NXN: variants seen among roughly 807,000 people sequenced by gnomAD.
The protein encoded by NXN is nucleoredoxin.
Under a neutral mutation model 48.6 loss-of-function variants are expected in NXN, and 16 were observed. That is an observed-to-expected ratio of 0.33 (90% CI 0.22 to 0.50). The LOEUF (loss-of-function observed/expected upper bound fraction) is 0.50. Among genes scored for constraint, NXN ranks in the 20% least tolerant of loss-of-function variants. The pLI, the probability that NXN is intolerant of heterozygous loss-of-function variation, is 0.98. For synonymous variants in NXN, 281 were observed against 269.6 expected (o/e 1.04, Z -0.41); for missense variants, 492 against 605.5 (o/e 0.81, Z 1.97).
At chr17:856,559 C>T (rs1157214978) in intron 1 of NXN, among the ~76,000 whole-genome samples, 2 of 147,978 alleles carry the variant, frequency 1.4e-5, no homozygotes, top group South Asian at 2.1e-4. Flanking sequence ...GGTGCAATCT[C>T]GGCTCACCGC....
intron 1 of NXN, 56 bp downstream of exon 1, chr17:979,263 G>GCAGGGGTAACGGGCGTGGGGGGCGGA: frequency 8.5e-7 from 1 of 1,181,254 alleles, no homozygotes; most frequent in Non-Finnish European, 1.1e-6. Context: ...TGGGGGGCGG[G>GCAGGGGTAACGGGCGTGGGGGGCGGA]CAGGGGTAAC....
intron 1 of NXN, among the ~76,000 whole-genome samples, chr17:927,315 A>C (rs1004135944): frequency 4.0e-5 from 6 of 151,062 alleles, no homozygotes; most frequent in Non-Finnish European, 8.8e-5. Flanking sequence ...GAGGTAAAAG[A>C]AGCAAAATTA....
intron 1 of NXN, among the ~76,000 whole-genome samples, chr17:842,295 TACAGAA>T (rs1264835872): frequency 6.6e-5 from 10 of 152,194 alleles, no homozygotes; most frequent in Non-Finnish European, 1.3e-4. Flanking sequence ...CAGAATTTTA[TACAGAA>T]ACAGTCGCTA....
chr17:887,219 A>G (rs2144854712), intron 1 of NXN, among the ~76,000 whole-genome samples: 1 of 152,166 alleles, frequency 6.6e-6, no homozygotes, highest in Admixed American at 6.6e-5. Context: ...GCCTGGCCTC[A>G]GTCTTTTATC....
At chr17:857,967 A>C (rs2068002962) in intron 1 of NXN, among the ~76,000 whole-genome samples, 2 of 150,496 alleles carry the variant, frequency 1.3e-5, no homozygotes, top group Non-Finnish European at 3.0e-5. Context: ...CCAAAGATAT[A>C]AATCTTTTTT....
intron 1 of NXN, among the ~76,000 whole-genome samples, chr17:971,792 G>A (rs1040080914): frequency 1.3e-5 from 2 of 152,108 alleles, no homozygotes; most frequent in African/African-American, 2.4e-5. Context: ...ACGCATAAAC[G>A]GTAAATTCAA....
chr17:958,681 G>C lies in NXN; in HGVS notation c.360+20638C>G, dbSNP rs1289651796. ...AGCTACTCAGGAGGCTGAGGCAGGAGAATCACCGAGGCGGAGGTAGAAGTG... is the reference window on the plus strand; with the variant it reads ...AGCTACTCAGGAGGCTGAGGCAGGACAATCACCGAGGCGGAGGTAGAAGTG... On this transcript the variant is annotated intron_variant, in intron 1 of 7. Coordinates refer to ENST00000336868, the MANE Select transcript of NXN (RefSeq NM_022463.5). The surrounding 1 kb of genome is among the most constrained non-coding windows in gnomAD (Gnocchi z 6.9). 7.9e-5 allele frequency among the ~76,000 whole-genome samples: 12 copies of C among 152,184 alleles called. No homozygotes were observed. The highest frequency in any genetic ancestry group is 1.5e-5 in the Non-Finnish European group (1 of 68,054).
chr17:885,672 C>CCTTTTTTTTTTTTT, intron 1 of NXN, among the ~76,000 whole-genome samples: 1 of 83,750 alleles, frequency 1.2e-5, no homozygotes, highest in Non-Finnish European at 2.1e-5. Flanking sequence ...GCGGTACTCG[C>CCTTTTTTTTTTTTT]TTTTTTTTTT....
intron 1 of NXN, among the ~76,000 whole-genome samples, chr17:904,681 T>C (rs575622613): frequency 8.6e-4 from 131 of 152,252 alleles, no homozygotes; most frequent in Non-Finnish European, 1.1e-3. Context: ...GTAGCTGGGA[T>C]TACAGGCGCA....
rs377121295 is a variant in NXN, at chr17:922,180, G to A, written c.360+57139C>T. Among the ~76,000 whole-genome samples, 8 of 152,288 alleles carry A rather than the reference G, an allele frequency of 5.3e-5. 2 individuals carry two copies. Among genetic ancestry groups the A allele is most frequent in the African/African-American group, 1.7e-4 (7 of 41,572 alleles). ...GAATTGGCCAGGCACAGTGGCTCAC[G>A]TCTGTAATCCTAACACTTTGGGAGG... On this transcript the variant is annotated intron_variant, in intron 1 of 7. Coordinates refer to ENST00000336868, the MANE Select transcript of NXN (RefSeq NM_022463.5).
At chr17:836,523 A>G (rs1426336464) in intron 1 of NXN, among the ~76,000 whole-genome samples, 1 of 152,172 alleles carries the variant, frequency 6.6e-6, no homozygotes, top group Non-Finnish European at 1.5e-5. Flanking sequence ...ATATACACTG[A>G]GAGCAGGAAT....
At chr17:939,379 C>A (rs2068944284) in intron 1 of NXN, among the ~76,000 whole-genome samples, 2 of 139,738 alleles carry the variant, frequency 1.4e-5, no homozygotes, top group South Asian at 2.3e-4. Context: ...GAGTTTCACT[C>A]TTGTCACCCA....
rs7221017 is a variant in NXN, at chr17:958,293, A to C, written c.360+21026T>G. ...GACATGACGGTGAGCAAGGTTACTC[A>C]TCTTCCGAAAATGCTAACGTGCTGA... is the stretch of plus-strand genomic sequence containing the variant. On this transcript the variant is annotated intron_variant, in intron 1 of 7. Coordinates refer to ENST00000336868, the MANE Select transcript of NXN (RefSeq NM_022463.5). The surrounding 1 kb of genome is among the most constrained non-coding windows in gnomAD (Gnocchi z 6.9). Among the ~76,000 whole-genome samples, 24,812 of 152,090 alleles carry C rather than the reference A, an allele frequency of 0.16. 2,583 individuals are homozygous for C. Among genetic ancestry groups the C allele is most frequent in the East Asian group, 0.29 (1,520 of 5,168 alleles).
chr17:917,699 C>T lies in NXN; in HGVS notation c.360+61620G>A, dbSNP rs761193984. Among the ~76,000 whole-genome samples the T allele has an allele frequency of 1.1e-4, 16 of 152,230 alleles. No individual in the cohort carries two copies. The highest frequency in any genetic ancestry group is 2.2e-4 in the Non-Finnish European group (15 of 68,036). On this transcript the variant is annotated intron_variant, in intron 1 of 7. Coordinates refer to ENST00000336868, the MANE Select transcript of NXN (RefSeq NM_022463.5). This position sits in a 1 kb window ranked among gnomAD's most constrained non-coding sequence, Gnocchi z 4.5. ...TGCAGGCGAGCTTCCCTACCCAATC[C>T]GACCTCCTAGACGGACACCCCAGGT...
At chr17:953,568 C>T (rs981275443) in intron 1 of NXN, among the ~76,000 whole-genome samples, 1 of 152,208 alleles carries the variant, frequency 6.6e-6, no homozygotes, top group Admixed American at 6.5e-5. Flanking sequence ...TAGGATTCTC[C>T]AGCCAGGCCC....
chr17:867,422 C>T (rs1187385611), intron 1 of NXN, among the ~76,000 whole-genome samples: 1 of 152,212 alleles, frequency 6.6e-6, no homozygotes. Context: ...GAATTCTTGC[C>T]AGTCCCTTAA....
At chr17:936,586 G>A (rs1470223429) in intron 1 of NXN, among the ~76,000 whole-genome samples, 10 of 151,632 alleles carry the variant, frequency 6.6e-5, no homozygotes, top group Admixed American at 6.6e-4. Flanking sequence ...CAGGAGAGAA[G>A]GGCGAGGTGT....
intron 1 of NXN, among the ~76,000 whole-genome samples, chr17:927,562 G>A (rs922550172): frequency 1.6e-5 from 2 of 127,156 alleles, no homozygotes; most frequent in Admixed American, 8.7e-5. Context: ...CCTGGGTGAC[G>A]GAAGTAAAAC....
rs1283752680 is a variant in NXN at position 979,634 on chromosome 17, C to A, written c.45G>T (p.Thr15=). 2.0e-6 allele frequency: 3 copies of A among 1,469,802 alleles called. No homozygotes were observed. Among genetic ancestry groups the A allele is most frequent in the East Asian group, 5.8e-5 (2 of 34,760 alleles). 91.0% of individuals were successfully genotyped at this position (1,469,802 alleles called of 1,614,324 possible). A position where few individuals can be genotyped will look rare whatever the true frequency, so the allele number is the denominator to read the frequency against. The change falls in exon 1 of 8, where the codon ACG becomes ACT. Residue 15 remains threonine (T), a synonymous_variant. Transcript: ENST00000336868. Reference sequence around the variant, plus strand: ...GCACGTCCACCTCCTCGCCGCCGCCCGTCACCAGCTTCTCGCCGAGCAGCT... The same window carrying A: ...GCACGTCCACCTCCTCGCCGCCGCCAGTCACCAGCTTCTCGCCGAGCAGCT... ...LEELLGEKLV[T]GGGEEVDVHS...
Sources: gnomAD v4.1 joint callset for allele counts (sites outside exome capture counted in the v4.1 genomes callset) on GRCh38, gnomAD v4.1.1 for gene constraint, Gnocchi (gnomAD v3.1) non-coding constraint, MANE v1.5 for transcripts, NCBI Gene and HGNC (gene_info 2026-07-23, HGNC 2026-07-21) for gene names.